The following XRCC4 variants were observed in gnomAD, a reference collection of about 807,000 sequenced individuals.
XRCC4 encodes the protein DNA repair protein XRCC4.
A neutral mutation model predicts 39.1 loss-of-function variants in XRCC4; 28 were observed. That is an observed-to-expected ratio of 0.72 (90% confidence interval 0.53 to 0.98). XRCC4 has a LOEUF of 0.98. Ranked by LOEUF, XRCC4 falls within the 50% of genes least tolerant of loss-of-function variation. The pLI is 0.00. For synonymous variants in XRCC4, 123 were observed against 126.4 expected, an observed-to-expected ratio of 0.97 and a Z score of 0.18; for missense variants, 350 against 376.4, an observed-to-expected ratio of 0.93 and a Z score of 0.58.
intron 7 of XRCC4, among the ~76,000 whole-genome samples, chr5:83,338,437 A>G (rs1052374034): frequency 6.6e-6 from 1 of 152,222 alleles, no homozygotes; most frequent in Non-Finnish European, 1.5e-5. Flanking sequence ...TGGTCAAGGC[A>G]TAATAATCAA....
chr5:83,090,305 A>G (rs1372400823), intron 1 of XRCC4, among the ~76,000 whole-genome samples: 1 of 150,640 alleles, frequency 6.6e-6, no homozygotes, highest in East Asian at 1.9e-4. Flanking sequence ...ATAGTGAATA[A>G]ATCTCACGAG....
chr5:83,082,457 A>C (rs1409072549), intron 1 of XRCC4, among the ~76,000 whole-genome samples: 2 of 152,216 alleles, frequency 1.3e-5, no homozygotes, highest in Non-Finnish European at 2.9e-5. Flanking sequence ...AAATTGGGTG[A>C]GGGGTATATG....
At chr5:83,244,941 T>A (rs559407969) in intron 6 of XRCC4, among the ~76,000 whole-genome samples, 203 of 152,294 alleles carry the variant, frequency 1.3e-3, no homozygotes, top group African/African-American at 4.8e-3. Context: ...TGAAATCAGT[T>A]TTATATATTT....
At chr5:83,335,118 C>A (rs1028779124) in intron 7 of XRCC4, among the ~76,000 whole-genome samples, 5 of 151,936 alleles carry the variant, frequency 3.3e-5, no homozygotes, top group African/African-American at 1.2e-4. Flanking sequence ...AATGGACCTT[C>A]AAATGCAGAA....
At chr5:83,155,690 A>G (rs1425778526) in intron 3 of XRCC4, among the ~76,000 whole-genome samples, 2 of 152,130 alleles carry the variant, frequency 1.3e-5, no homozygotes, top group African/African-American at 4.8e-5. Context: ...GAACAATTAG[A>G]ATATAATAAA....
Position 83,301,253 on chromosome 5 carries a change from C to G in XRCC4, c.893+42576C>G, listed in dbSNP as rs150724301. ...CTCTCCAGCATCTGTTGTTTCCTGA[C>G]TTTTTAATGATCACCATTCTTACTG... is the stretch of plus-strand genomic sequence containing the variant. On this transcript the variant is annotated intron_variant, in intron 7 of 7. Coordinates refer to ENST00000396027, the MANE Select transcript of XRCC4 (RefSeq NM_003401.5). Among the ~76,000 whole-genome samples, 870 of 152,284 alleles carry G rather than the reference C, an allele frequency of 5.7e-3. 3 individuals are homozygous for G. Among genetic ancestry groups the G allele is most frequent in the African/African-American group, 0.019 (784 of 41,574 alleles).
intron 2 of XRCC4, 70 bp downstream of exon 2, chr5:83,105,128 T>A: frequency 7.0e-7 from 1 of 1,434,032 alleles, no homozygotes; most frequent in South Asian, 1.4e-5. Flanking sequence ...AGGGATACTT[T>A]TCCATTAGAT....
Position 83,211,980 on chromosome 5 carries a change from T to TG in XRCC4, c.745+7064dup, listed in dbSNP as rs1561407495. ...GAAACAGGAAAGTGTGGTCCATACT[T>TG]GGGGGAAAAAAGTAGTCAATAGAAA... is the stretch of plus-strand genomic sequence containing the variant. On this transcript the variant is annotated intron_variant, in intron 6 of 7. Transcript: ENST00000396027. Among the ~76,000 whole-genome samples, 4 of 152,010 alleles carry TG rather than the reference T, an allele frequency of 2.6e-5. No homozygotes were observed. In the South Asian group the frequency reaches 6.2e-4, roughly 24 times the overall value.
intron 7 of XRCC4, among the ~76,000 whole-genome samples, chr5:83,301,220 G>T (rs1054195079): frequency 6.6e-6 from 1 of 151,988 alleles, no homozygotes; most frequent in African/African-American, 2.4e-5. Flanking sequence ...TTTCTGTTTT[G>T]CCACATCCTC....
chr5:83,115,501 T>C (rs929008461), intron 3 of XRCC4, among the ~76,000 whole-genome samples: 6 of 152,156 alleles, frequency 3.9e-5, no homozygotes, highest in Non-Finnish European at 8.8e-5. Context: ...CATATCAGCC[T>C]GGATGGAGTA....
intron 6 of XRCC4, among the ~76,000 whole-genome samples, chr5:83,227,236 G>A (rs1020846002): frequency 3.3e-5 from 5 of 151,984 alleles, no homozygotes; most frequent in East Asian, 1.9e-4. Context: ...ATACTTAAAC[G>A]TAGTATTCCC....
chr5:83,297,219 CAG>C (rs1411632353), intron 7 of XRCC4, among the ~76,000 whole-genome samples: 5 of 151,926 alleles, frequency 3.3e-5, no homozygotes, highest in African/African-American at 1.2e-4. Context: ...TATTATGTAA[CAG>C]ATCAAAATTT....
At chr5:83,140,213 A>T (rs1191681044) in intron 3 of XRCC4, among the ~76,000 whole-genome samples, 5 of 152,228 alleles carry the variant, frequency 3.3e-5, no homozygotes, top group Non-Finnish European at 5.9e-5. Context: ...CAAGCTGAGG[A>T]TACAGGAAGC....
intron 6 of XRCC4, 138 bp from the exon 7 acceptor site, chr5:83,258,392 A>G (rs1753628662): frequency 5.7e-6 from 6 of 1,058,440 alleles, no homozygotes; most frequent in Non-Finnish European, 6.8e-6. Flanking sequence ...TGATTCAACA[A>G]ATCTGCATAA....
chr5:83,264,598 G>A (rs1263492220), intron 7 of XRCC4, among the ~76,000 whole-genome samples: 1 of 151,986 alleles, frequency 6.6e-6, no homozygotes, highest in South Asian at 2.1e-4. Flanking sequence ...ATGAGCATAT[G>A]GGAAACTCGT....
At chr5:83,107,612 G>A (rs1231229870) in intron 2 of XRCC4, among the ~76,000 whole-genome samples, 2 of 151,704 alleles carry the variant, frequency 1.3e-5, no homozygotes, top group Non-Finnish European at 3.0e-5. Flanking sequence ...TATATCACAG[G>A]GGTAAGTCAC....
At chr5:83,081,003 G>A (rs1393506465) in intron 1 of XRCC4, among the ~76,000 whole-genome samples, 1 of 152,290 alleles carries the variant, frequency 6.6e-6, no homozygotes, top group East Asian at 1.9e-4. Flanking sequence ...TAGCCATAGT[G>A]CATTATAAAA....
At chr5:83,175,906 G>A (rs962588902) in intron 3 of XRCC4, among the ~76,000 whole-genome samples, 12 of 152,136 alleles carry the variant, frequency 7.9e-5, no homozygotes, top group African/African-American at 2.9e-4. Flanking sequence ...ACCATTGCCC[G>A]GCTGAGGCCA....
At chr5:83,275,155 GGA>G (rs1177492506) in intron 7 of XRCC4, among the ~76,000 whole-genome samples, 2 of 152,140 alleles carry the variant, frequency 1.3e-5, no homozygotes, top group African/African-American at 4.8e-5. Context: ...TTAGAATAAG[GGA>G]GAGAGAGGAA....
Sources: allele counts gnomAD v4.1 joint callset (sites outside exome capture counted in the v4.1 genomes callset), GRCh38; gene constraint gnomAD v4.1.1; transcripts MANE v1.5; gene names NCBI Gene and HGNC (gene_info 2026-07-23, HGNC 2026-07-21).